Variants in DLGAP2 observed in about 807,000 individuals in gnomAD.
DLGAP2 encodes disks large-associated protein 2.
Under a neutral mutation model 100.3 loss-of-function variants are expected in DLGAP2, and 26 were observed. The ratio of observed to expected loss-of-function variants is 0.26; its 90% CI spans 0.19 to 0.36. The LOEUF is 0.36. Among genes scored for constraint, DLGAP2 ranks in the 10% least tolerant of loss-of-function variants. The pLI is 1.00. For missense variants in DLGAP2, 1,858 were observed against 1,453.2 expected, an observed-to-expected ratio of 1.28 and a Z score of -4.53; for synonymous variants, 886 against 630.1, an observed-to-expected ratio of 1.41 and a Z score of -6.08.
intron 3 of DLGAP2, among the ~76,000 whole-genome samples, chr8:1,493,629 C>T (rs182580953): frequency 2.0e-5 from 3 of 152,286 alleles, no homozygotes; most frequent in East Asian, 1.9e-4. Context: ...TCTAATCCTC[C>T]TGTAAGCAAA....
chr8:968,799 C>CTCCACGTATAATGAGTCGCAGTGGA (rs1799943473), intron 2 of DLGAP2, among the ~76,000 whole-genome samples: 1 of 152,168 alleles, frequency 6.6e-6, no homozygotes, highest in African/African-American at 2.4e-5. Context: ...GAAGCTGCGA[C>CTCCACGTATAATGAGTCGCAGTGGA]TCCACGTATA....
chr8:904,511 CTG>C (rs1473803395), intron 1 of DLGAP2, among the ~76,000 whole-genome samples: 1 of 152,196 alleles, frequency 6.6e-6, no homozygotes, highest in African/African-American at 2.4e-5. Context: ...TAGAACAAGA[CTG>C]TCTCAAAAAA....
chr8:1,675,440 C>A (rs1798789818), intron 10 of DLGAP2, among the ~76,000 whole-genome samples: 1 of 152,178 alleles, frequency 6.6e-6, no homozygotes. Context: ...TAGTGCCTGG[C>A]GCAGGGTACG....
intron 2 of DLGAP2, among the ~76,000 whole-genome samples, chr8:960,421 G>T (rs1330667038): frequency 6.6e-6 from 1 of 151,320 alleles, no homozygotes; most frequent in African/African-American, 2.4e-5. Context: ...TAGTAGAGAC[G>T]GAGTTTCACC....
intron 1 of DLGAP2, among the ~76,000 whole-genome samples, chr8:844,824 C>G (rs1797044466): frequency 6.6e-6 from 1 of 152,192 alleles, no homozygotes; most frequent in Non-Finnish European, 1.5e-5. Context: ...CTTAGCCATC[C>G]TCTCTTCCCC....
intron 2 of DLGAP2, among the ~76,000 whole-genome samples, chr8:920,853 A>G (rs909758592): frequency 3.3e-5 from 5 of 151,988 alleles, no homozygotes; most frequent in African/African-American, 1.2e-4. Flanking sequence ...TGCCCGAAAA[A>G]CTCTGTGAGG....
intron 3 of DLGAP2, among the ~76,000 whole-genome samples, chr8:1,452,531 C>T (rs531048204): frequency 2.5e-4 from 38 of 152,324 alleles, no homozygotes; most frequent in Non-Finnish European, 4.4e-4. Flanking sequence ...GGACACTGGG[C>T]GCTCCGGGGA....
chr8:1,600,002 G>T (rs1259989068), intron 6 of DLGAP2, among the ~76,000 whole-genome samples: 1 of 152,064 alleles, frequency 6.6e-6, no homozygotes, highest in African/African-American at 2.4e-5. Flanking sequence ...TTTTGCAGTG[G>T]CTGGTACCGG....
chr8:902,894 T>A (rs1361217740), intron 1 of DLGAP2, among the ~76,000 whole-genome samples: 1 of 14,704 alleles, frequency 6.8e-5, no homozygotes, highest in African/African-American at 3.1e-4. Flanking sequence ...CAGGGGTGGG[T>A]GGGTGGAACG....
chr8:1,064,247 C>A (rs1803176314), intron 2 of DLGAP2, among the ~76,000 whole-genome samples: 1 of 152,156 alleles, frequency 6.6e-6, no homozygotes, highest in Non-Finnish European at 1.5e-5. Context: ...TAAGCCAAGT[C>A]AACTTATTTA....
intron 1 of DLGAP2, among the ~76,000 whole-genome samples, chr8:864,605 T>A (rs1797455527): frequency 6.6e-6 from 1 of 152,166 alleles, no homozygotes; most frequent in Non-Finnish European, 1.5e-5. Flanking sequence ...ATATTTTAAT[T>A]CACTTCCGCT....
At chr8:962,100 T>C (rs146258537) in intron 2 of DLGAP2, among the ~76,000 whole-genome samples, 8 of 152,356 alleles carry the variant, frequency 5.3e-5, no homozygotes, top group African/African-American at 1.9e-4. Flanking sequence ...TTTCTCTGAA[T>C]TGTAATTATC....
At chr8:1,062,630 G>C (rs1430350155) in intron 2 of DLGAP2, among the ~76,000 whole-genome samples, 1 of 152,170 alleles carries the variant, frequency 6.6e-6, no homozygotes, top group Non-Finnish European at 1.5e-5. Flanking sequence ...ATACTTTGCA[G>C]CATGTTTTTC....
intron 3 of DLGAP2, among the ~76,000 whole-genome samples, chr8:1,492,585 C>T (rs117827755): frequency 0.011 from 1,720 of 152,328 alleles, 19 homozygotes; most frequent in Middle Eastern, 0.027. Flanking sequence ...TGCGCCTGCG[C>T]GGTGACTCCA....
chr8:1,330,624 C>A lies in DLGAP2; in HGVS notation c.106+71741C>A, dbSNP rs189410964. Among the ~76,000 whole-genome samples the A allele has an allele frequency of 1.7e-3, 216 of 129,558 alleles. 1 individual carries two copies. The highest frequency in any genetic ancestry group is 5.9e-3 in the African/African-American group (200 of 34,126). 85.0% of individuals were successfully genotyped at this position (129,558 alleles called of 152,430 possible). A position where few individuals can be genotyped will look rare whatever the true frequency, so the allele number is the denominator to read the frequency against. ...GACCGAGTTCTGGGTGGGAGCACCG[C>A]TTCACGGGGACCGAGTTCTGGGTGG... On this transcript the variant is annotated intron_variant, in intron 3 of 14. Coordinates refer to ENST00000637795, the MANE Select transcript of DLGAP2 (RefSeq NM_001346810.2).
In DLGAP2 at chr8:1,492,397, T is replaced by G. The variant is rs372481127; in HGVS notation, c.107-8969T>G. Among the ~76,000 whole-genome samples, 12 of 152,338 alleles carry G rather than the reference T, an allele frequency of 7.9e-5. No individual in the cohort carries two copies. The East Asian group carries it at 1.9e-3, about 24-fold the overall frequency. On this transcript the variant is annotated intron_variant, in intron 3 of 14. Coordinates refer to ENST00000637795, the MANE Select transcript of DLGAP2 (RefSeq NM_001346810.2). ...CAAATGTAGGCTCGAGCGTGCTTTC[T>G]GTAAAAGTAAACTTTTCAAGAGTTA... is the stretch of plus-strand genomic sequence containing the variant.
chr8:1,004,517 C>T (rs796263718), intron 2 of DLGAP2, among the ~76,000 whole-genome samples: 1 of 152,166 alleles, frequency 6.6e-6, no homozygotes, highest in Non-Finnish European at 1.5e-5. Flanking sequence ...GTTGGAAGTA[C>T]CTAAGTTGTC....
At chr8:1,452,366 A>T (rs1036679836) in intron 3 of DLGAP2, among the ~76,000 whole-genome samples, 3 of 152,250 alleles carry the variant, frequency 2.0e-5, no homozygotes, top group Non-Finnish European at 2.9e-5. Flanking sequence ...ACAGCACCAA[A>T]CATCAGCCCT....
At position 1,271,444 on chromosome 8, in the gene DLGAP2, TG is replaced by T. The variant is rs1192358597; in HGVS notation, c.106+12562del. Among the ~76,000 whole-genome samples, 10 of 152,328 alleles carry T rather than the reference TG, an allele frequency of 6.6e-5. No individual in the cohort carries two copies. The East Asian group carries it at 1.9e-3, about 29-fold the overall frequency. On this transcript the variant is annotated intron_variant, in intron 3 of 14. Transcript: ENST00000637795. ...GACTTTATGAACCTCCTTGTGCATTTGTTGATTATTCACTTCATGTGTCTTG... is the reference window on the plus strand; with the variant it reads ...GACTTTATGAACCTCCTTGTGCATTTTTGATTATTCACTTCATGTGTCTTG...
Sources: gnomAD v4.1 joint callset for allele counts (sites outside exome capture counted in the v4.1 genomes callset) on GRCh38, gnomAD v4.1.1 for gene constraint, MANE v1.5 for transcripts, NCBI Gene and HGNC (gene_info 2026-07-23, HGNC 2026-07-21) for gene names.